The following ERCC1 variants were observed in gnomAD, a reference collection of about 807,000 sequenced individuals.
ERCC1 encodes the protein DNA excision repair protein ERCC-1.
ERCC1 carries 36 observed loss-of-function variants against 37.6 expected under a neutral mutation model. The observed-to-expected ratio is 0.96, with a 90% CI of 0.73 to 1.26. ERCC1 has a LOEUF of 1.26. Ranked by LOEUF, ERCC1 falls within the 50% of genes most tolerant of loss-of-function variation. The pLI is 0.00. For missense variants in ERCC1, 349 were observed against 376.5 expected (o/e 0.93, Z 0.60); for synonymous variants, 156 against 162.1 (o/e 0.96, Z 0.28).
At chr19:45,418,983 G>T in intron 5 of ERCC1, 115 bp downstream of exon 5, 1 of 765,680 alleles carries the variant, frequency 1.3e-6, no homozygotes, top group South Asian at 1.5e-5. Context: ...CATCTCAGAT[G>T]TGAAAAACGT....
rs1974337169 is a variant in ERCC1 at position 45,420,358 on chromosome 19, CAT to C, written c.389_390del (p.Tyr130CysfsTer57). 3.1e-6 allele frequency: 5 copies of C among 1,613,754 alleles called. No homozygotes were observed. Among genetic ancestry groups the C allele is most frequent in the Admixed American group, 1.7e-5 (1 of 59,976 alleles). Reference protein sequence around the residue: ...PWEFGDVIPDYVLGQSTCALF... With the variant: ...PWEFGDVIPDXVLGQSTCALF... ...AGGGCACAGGTGCTCTGGCCCAGCA[CAT>C]AGTCGGGAATTACGTCGCCAAATTC... On this transcript the variant is annotated frameshift_variant, in exon 4 of 10. Transcript: ENST00000300853. LOFTEE classifies it high-confidence loss of function. This position sits in a 1 kb window ranked among gnomAD's most constrained non-coding sequence, Gnocchi z 4.8.
In ERCC1 at chr19:45,421,283, A is replaced by G; in HGVS notation, c.216T>C (p.Ala72=). 2.5e-6 allele frequency: 4 copies of G among 1,614,172 alleles called. No homozygotes were observed. The highest frequency in any genetic ancestry group is 3.4e-6 in the Non-Finnish European group (4 of 1,180,030). ...CTGACCCTGTGGGGCACGTGGCCCC[A>G]GCCCCTTCCAGAGGCTGTGAGATGG... The part of the protein sequence containing the change: ...EYAISQPLEG[A]GATCPTGSEP... The change falls in exon 3 of 10, where the codon GCT becomes GCC. Residue 72 remains alanine (A), a synonymous_variant. Coordinates refer to ENST00000300853, the MANE Select transcript of ERCC1 (RefSeq NM_001983.4).
intron 1 of ERCC1, among the ~76,000 whole-genome samples, chr19:45,446,654 C>T (rs1204435493): frequency 6.6e-6 from 1 of 152,106 alleles, no homozygotes; most frequent in Non-Finnish European, 1.5e-5. Flanking sequence ...TCCATGTGGG[C>T]CCCAGGACTC....
chr19:45,425,585 G>C (rs946660994), upstream of ERCC1, among the ~76,000 whole-genome samples: 5 of 151,780 alleles, frequency 3.3e-5, no homozygotes. Context: ...GGCCCTGCTG[G>C]TCTCGAACTC....
chr19:45,434,155 CAAAAAAA>C (rs138387403), intron 1 of ERCC1, among the ~76,000 whole-genome samples: 4 of 97,450 alleles, frequency 4.1e-5, no homozygotes, highest in Non-Finnish European at 8.4e-5. Context: ...CACACACACA[CAAAAAAA>C]AAAAAAAAAA....
At chr19:45,445,776 T>G (rs944627541) in intron 1 of ERCC1, among the ~76,000 whole-genome samples, 1 of 152,148 alleles carries the variant, frequency 6.6e-6, no homozygotes, top group African/African-American at 2.4e-5. Flanking sequence ...TAAGGGCTGA[T>G]CCCGCAGGGC....
rs1268162117 is a variant in ERCC1 at position 45,409,174 on chromosome 19, G to C, written c.*501C>G. 1 of 1,613,476 alleles carries C rather than the reference G, an allele frequency of 6.2e-7. No individual in the cohort carries two copies. Among genetic ancestry groups the C allele is most frequent in the Non-Finnish European group, 8.5e-7 (1 of 1,179,716 alleles). On this transcript the variant is annotated 3_prime_UTR_variant, in exon 10 of 10. Transcript: ENST00000300853. Reference sequence around the variant, plus strand: ...ATGCCACAGTGGAGCCAGAGACAGAGGTGGTGGGGCCTGAGCTGCCGGATG... The same window carrying C: ...ATGCCACAGTGGAGCCAGAGACAGACGTGGTGGGGCCTGAGCTGCCGGATG...
chr19:45,427,362 C>T (rs1405141015), upstream of ERCC1, among the ~76,000 whole-genome samples: 1 of 152,058 alleles, frequency 6.6e-6, no homozygotes, highest in Non-Finnish European at 1.5e-5. Flanking sequence ...GTAATCTCGG[C>T]ACTTTGGGAG....
In ERCC1 at chr19:45,408,179, G is replaced by A; in HGVS notation, c.*1496C>T. 6.2e-7 allele frequency: 1 copy of A among 1,612,096 alleles called. No homozygotes were observed. The highest frequency in any genetic ancestry group is 1.1e-5 in the South Asian group (1 of 90,940). ...TCTCTCTGGCTCCCAGATCGTCAAG[G>A]GCAAATTGGCAGGCAAGCGGCACCG... is the stretch of plus-strand genomic sequence containing the variant. On this transcript the variant is annotated 3_prime_UTR_variant, in exon 10 of 10. Coordinates refer to ENST00000300853, the MANE Select transcript of ERCC1 (RefSeq NM_001983.4).
intron 1 of ERCC1, among the ~76,000 whole-genome samples, chr19:45,441,579 T>A (rs1351235490): frequency 6.6e-6 from 1 of 152,214 alleles, no homozygotes; most frequent in Non-Finnish European, 1.5e-5. Flanking sequence ...TTTACTATGT[T>A]GTCCAGGCTG....
At chr19:45,423,165 G>T (rs1974542735) in intron 2 of ERCC1, 105 bp downstream of exon 2, 6 of 1,130,704 alleles carry the variant, frequency 5.3e-6, no homozygotes, top group South Asian at 4.0e-5. Flanking sequence ...GTCGTCCGTG[G>T]CCCCCAAATC....
chr19:45,411,446 G>GCCACCATTTGTTATTGCCTGT (rs60173664), intron 9 of ERCC1, among the ~76,000 whole-genome samples: 3 of 151,072 alleles, frequency 2.0e-5, no homozygotes, highest in Non-Finnish European at 4.4e-5. Flanking sequence ...TCACATCCTC[G>GCCACCATTTGTTATTGCCTGT]CCACCATTTG....
intron 7 of ERCC1, 96 bp downstream of exon 7, chr19:45,414,765 G>A: frequency 1.2e-6 from 1 of 864,998 alleles, no homozygotes; most frequent in Admixed American, 1.7e-5. Context: ...CGAGGCCCAG[G>A]GATGAATGGA....
At chr19:45,417,357 G>A (rs1460183642) in intron 5 of ERCC1, among the ~76,000 whole-genome samples, 2 of 152,126 alleles carry the variant, frequency 1.3e-5, no homozygotes, top group East Asian at 3.9e-4. Flanking sequence ...GCCAGAGGAG[G>A]GACTGAGCCT....
intron 1 of ERCC1, 173 bp downstream of exon 1, chr19:45,423,607 GC>G: frequency 7.2e-7 from 1 of 1,384,150 alleles, no homozygotes; most frequent in African/African-American, 1.5e-5. Flanking sequence ...TCCGCCCCTC[GC>G]CCCCACCGGA....
intron 1 of ERCC1, among the ~76,000 whole-genome samples, chr19:45,430,824 G>A (rs183672229): frequency 6.6e-6 from 1 of 152,138 alleles, no homozygotes; most frequent in African/African-American, 2.4e-5. Context: ...GGCCGAGGTG[G>A]GAGAATTGGG....
At chr19:45,427,211 G>A (rs181708798), upstream of ERCC1, among the ~76,000 whole-genome samples, 104 of 152,274 alleles carry the variant, frequency 6.8e-4, no homozygotes, top group Middle Eastern at 3.4e-3. Context: ...TAGGTTCTTA[G>A]TATTGTTTCT....
upstream of ERCC1, among the ~76,000 whole-genome samples, chr19:45,426,959 T>TAA (rs1555789830): frequency 3.0e-4 from 28 of 92,426 alleles, no homozygotes; most frequent in Admixed American, 5.9e-4. Context: ...AAACTCCATC[T>TAA]AAAAAAAAAA....
At chr19:45,434,904 T>C (rs1974935468) in intron 1 of ERCC1, among the ~76,000 whole-genome samples, 1 of 152,040 alleles carries the variant, frequency 6.6e-6, no homozygotes, top group East Asian at 1.9e-4. Flanking sequence ...GCCTCCTGAG[T>C]AGCTGGGATT....
Sources: gnomAD v4.1 joint callset for allele counts (sites outside exome capture counted in the v4.1 genomes callset) on GRCh38, gnomAD v4.1.1 for gene constraint, Gnocchi (gnomAD v3.1) non-coding constraint, MANE v1.5 for transcripts, NCBI Gene and HGNC (gene_info 2026-07-23, HGNC 2026-07-21) for gene names.